The following CA10 variants were observed in gnomAD, a reference collection of about 807,000 sequenced individuals.
The protein encoded by CA10 is carbonic anhydrase 10 (inactive), also known as carbonic anhydrase-related protein 10.
In CA10, 14 loss-of-function variants were observed where a neutral mutation model predicts 44.2. The observed-to-expected ratio is 0.32, with a 90% confidence interval of 0.21 to 0.50. CA10 has a LOEUF of 0.50. Ranked by LOEUF, CA10 falls within the 20% of genes least tolerant of loss-of-function variation. The probability of loss-of-function intolerance (pLI) is 0.99; values close to 1 mark genes in which losing one functional copy is unlikely to be tolerated. For missense variants in CA10, 350 were observed against 409.7 expected (o/e 0.85, Z 1.26); for synonymous variants, 159 against 141.6 (o/e 1.12, Z -0.87).
chr17:51,680,606 G>A (rs542660840), intron 4 of CA10, among the ~76,000 whole-genome samples: 1 of 152,284 alleles, frequency 6.6e-6, no homozygotes, highest in South Asian at 2.1e-4. Flanking sequence ...TCTCTTTTGG[G>A]TTGTCATACT....
chr17:52,070,779 A>G (rs1175702184), intron 2 of CA10, among the ~76,000 whole-genome samples: 1 of 152,206 alleles, frequency 6.6e-6, no homozygotes, highest in African/African-American at 2.4e-5. Context: ...AGAATGTGAC[A>G]ACAGAGAAAA....
At position 52,099,848 on chromosome 17, in the gene CA10, A is replaced by G. The variant is rs535522412; in HGVS notation, c.62-27455T>C. ...GTGAACTCAAAGAAGTGTTTCAAGG[A>G]GGCAGGGCCTGACTATATGTGATGC... On this transcript the variant is annotated intron_variant, in intron 1 of 8. Coordinates refer to ENST00000451037, the MANE Select transcript of CA10 (RefSeq NM_020178.5). Among the ~76,000 whole-genome samples the G allele has an allele frequency of 2.6e-5, 4 of 152,334 alleles. No homozygotes were observed. The South Asian group carries it at 8.3e-4, about 32-fold the overall frequency.
chr17:51,814,774 C>G (rs1907501844), intron 3 of CA10, among the ~76,000 whole-genome samples: 1 of 152,088 alleles, frequency 6.6e-6, no homozygotes, highest in Non-Finnish European at 1.5e-5. Flanking sequence ...ATTTAACAAC[C>G]TTTTTTGTTC....
At chr17:52,027,593 A>G (rs1307834937) in intron 2 of CA10, among the ~76,000 whole-genome samples, 1 of 152,172 alleles carries the variant, frequency 6.6e-6, no homozygotes, top group African/African-American at 2.4e-5. Flanking sequence ...TATATAGTGT[A>G]GGAAAGAAGG....
At chr17:51,945,462 G>A (rs541013751) in intron 2 of CA10, among the ~76,000 whole-genome samples, 38 of 152,170 alleles carry the variant, frequency 2.5e-4, no homozygotes, top group African/African-American at 8.9e-4. Flanking sequence ...AAATCAACAC[G>A]GACTCGTTCT....
intron 3 of CA10, among the ~76,000 whole-genome samples, chr17:51,877,628 G>A (rs1034538719): frequency 6.6e-6 from 1 of 152,128 alleles, no homozygotes; most frequent in Non-Finnish European, 1.5e-5. Context: ...TTGACCACCT[G>A]ATCATCAGGT....
At chr17:51,689,451 T>C (rs887581135) in intron 4 of CA10, among the ~76,000 whole-genome samples, 18 of 152,210 alleles carry the variant, frequency 1.2e-4, no homozygotes, top group Admixed American at 5.2e-4. Flanking sequence ...CATGAATATG[T>C]GATGGAATAT....
intron 1 of CA10, among the ~76,000 whole-genome samples, chr17:52,073,723 T>G (rs564359381): frequency 3.3e-5 from 5 of 152,304 alleles, no homozygotes; most frequent in Admixed American, 3.3e-4. Context: ...GACATTTCCA[T>G]AGCCCTTGAG....
chr17:52,150,826 T>C (rs1004192473), intron 1 of CA10, among the ~76,000 whole-genome samples: 8 of 152,286 alleles, frequency 5.3e-5, no homozygotes, highest in African/African-American at 1.9e-4. Flanking sequence ...GACATTGTTA[T>C]TATTATTCAA....
intron 3 of CA10, among the ~76,000 whole-genome samples, chr17:51,790,016 C>G (rs1906451595): frequency 6.6e-6 from 1 of 152,178 alleles, no homozygotes; most frequent in Admixed American, 6.5e-5. Flanking sequence ...CCAGCTCCAG[C>G]CTTGCTCTGC....
intron 1 of CA10, among the ~76,000 whole-genome samples, chr17:52,073,911 A>C (rs1987750469): frequency 6.6e-6 from 1 of 152,214 alleles, no homozygotes; most frequent in Non-Finnish European, 1.5e-5. Context: ...GGAGATTTGA[A>C]GTCAGCCAGG....
In CA10 at chr17:51,754,400, G is replaced by GATATAT. The variant is rs56145404; in HGVS notation, c.280-6588_280-6583dup. On this transcript the variant is annotated intron_variant, in intron 3 of 8. Transcript: ENST00000451037. ...CACATACATACTACTGTGTGTGTGT[G>GATATAT]ATATATATATATATATATATATATA... Among the ~76,000 whole-genome samples, 421 of 72,952 alleles carry GATATAT rather than the reference G, an allele frequency of 5.8e-3. 8 individuals carry two copies. Among genetic ancestry groups the GATATAT allele is most frequent in the Middle Eastern group, 0.011 (1 of 92 alleles). 47.9% of individuals were successfully genotyped at this position (72,952 alleles called of 152,430 possible).
intron 2 of CA10, among the ~76,000 whole-genome samples, chr17:51,970,564 T>C (rs1026590222): frequency 3.3e-5 from 5 of 152,110 alleles, no homozygotes; most frequent in Non-Finnish European, 7.4e-5. Flanking sequence ...GATGTGTTGC[T>C]AATCCAATGC....
intron 4 of CA10, among the ~76,000 whole-genome samples, chr17:51,691,177 A>G (rs886634189): frequency 1.3e-5 from 2 of 152,202 alleles, no homozygotes. Context: ...GCTAATTTGC[A>G]TTCCCATCAA....
At chr17:51,963,307 GAGA>G (rs1308710269) in intron 2 of CA10, among the ~76,000 whole-genome samples, 1 of 152,172 alleles carries the variant, frequency 6.6e-6, no homozygotes, top group Admixed American at 6.5e-5. Context: ...ATTCCTGAGA[GAGA>G]AGGAGAAAAC....
intron 3 of CA10, among the ~76,000 whole-genome samples, chr17:51,871,045 C>T (rs1378133866): frequency 2.2e-5 from 3 of 136,436 alleles, no homozygotes; most frequent in Non-Finnish European, 3.1e-5. Context: ...TTTCTTCCCA[C>T]TTTACTTTTT....
At chr17:51,765,263 C>G (rs1037939791) in intron 3 of CA10, among the ~76,000 whole-genome samples, 1 of 152,110 alleles carries the variant, frequency 6.6e-6, no homozygotes, top group Admixed American at 6.5e-5. Flanking sequence ...TCTATCTCAT[C>G]GTGGGCTGTT....
intron 4 of CA10, among the ~76,000 whole-genome samples, chr17:51,668,368 A>G (rs969323238): frequency 1.8e-4 from 28 of 152,136 alleles, no homozygotes; most frequent in African/African-American, 6.8e-4. Flanking sequence ...ATAAATTACA[A>G]TGCATCTTCC....
chr17:51,682,448 T>C (rs888855579), intron 4 of CA10, among the ~76,000 whole-genome samples: 1 of 152,168 alleles, frequency 6.6e-6, no homozygotes, highest in African/African-American at 2.4e-5. Flanking sequence ...GAGTATAATA[T>C]ACTCAGGGCT....
Sources: gnomAD v4.1 joint callset for allele counts (sites outside exome capture counted in the v4.1 genomes callset) on GRCh38, gnomAD v4.1.1 for gene constraint, MANE v1.5 for transcripts, NCBI Gene and HGNC (gene_info 2026-07-23, HGNC 2026-07-21) for gene names.